CPAMD8: variants seen among roughly 807,000 people sequenced by gnomAD.
The protein encoded by CPAMD8 is C3 and PZP like alpha-2-macroglobulin domain containing 8.
CPAMD8 carries 146 observed loss-of-function variants against 224.7 expected under a neutral mutation model. That is an observed-to-expected ratio of 0.65 (90% confidence interval 0.57 to 0.75). The LOEUF (loss-of-function observed/expected upper bound fraction) is 0.75. Ranked by LOEUF, CPAMD8 falls within the 30% of genes least tolerant of loss-of-function variation. The pLI, the probability that CPAMD8 is intolerant of heterozygous loss-of-function variation, is 0.00. For synonymous variants in CPAMD8, 966 were observed against 1,044.6 expected, an observed-to-expected ratio of 0.92 and a Z score of 1.45; for missense variants, 2,301 against 2,537.5, an observed-to-expected ratio of 0.91 and a Z score of 2.00.
At chr19:17,017,086 C>T (rs554615538) in intron 3 of CPAMD8, among the ~76,000 whole-genome samples, 62 of 152,180 alleles carry the variant, frequency 4.1e-4, no homozygotes, top group African/African-American at 1.4e-3. Flanking sequence ...ACATTACTGC[C>T]TAAGCTCCGC....
In CPAMD8 at chr19:16,902,793, T is replaced by G. The variant is rs1466471895; in HGVS notation, c.4541A>C (p.Glu1514Ala). Reference protein sequence around the residue: ...PAFQLLVSLQEPEAQGRPPPM... With the variant: ...PAFQLLVSLQAPEAQGRPPPM... Reference sequence around the variant, plus strand: ...GGGCGGGCGTCCCTGGGCCTCAGGCTCCTGGAGGCTTACGAGCAGCTGGAA... The same window carrying G: ...GGGCGGGCGTCCCTGGGCCTCAGGCGCCTGGAGGCTTACGAGCAGCTGGAA... The change falls in exon 35 of 42, where the codon GAG (glutamate) becomes GCG (alanine). Residue 1514 changes from glutamate to alanine, a missense_variant. By Grantham distance (107) the Glu-to-Ala change is moderately radical (BLOSUM62 -1). Transcript: ENST00000443236. 2 of 1,582,768 alleles carry G rather than the reference T, an allele frequency of 1.3e-6. No homozygotes were observed. The highest frequency in any genetic ancestry group is 1.7e-6 in the Non-Finnish European group (2 of 1,160,668).
intron 29 of CPAMD8, 121 bp downstream of exon 29, chr19:16,914,303 C>T (rs1000003537): frequency 1.2e-5 from 9 of 738,332 alleles, no homozygotes; most frequent in African/African-American, 8.9e-5. Context: ...ATGAAAAAGC[C>T]TCGATAATGA....
rs375375253 is a variant in CPAMD8 at position 16,925,346 on chromosome 19, G to A, written c.3397C>T (p.His1133Tyr). ...GGCAGCCGCAGGAGGTTGTTGAGGT[G>A]GTTCAGGGTTGGCCCCATGACGTCC... ...IGDVMGPTLN[H>Y]LNNLLRLPFG... Residue 1133 changes from histidine (H) to tyrosine (Y), a missense_variant, in exon 26 of 42, where the codon CAC becomes TAC. Coordinates refer to ENST00000443236, the MANE Select transcript of CPAMD8 (RefSeq NM_015692.5). 3.7e-6 allele frequency: 6 copies of A among 1,614,076 alleles called. No homozygotes were observed. The African/African-American group carries it at 8.0e-5, about 22-fold the overall frequency.
At chr19:16,907,670 C>G (rs998870276) in intron 29 of CPAMD8, 1 of 151,686 alleles carries the variant, frequency 6.6e-6, no homozygotes, top group Non-Finnish European at 1.5e-5. Flanking sequence ...TGCAGTGGCA[C>G]GATCATAGCT....
intron 30 of CPAMD8, among the ~76,000 whole-genome samples, chr19:16,906,005 CT>C (rs35237013): frequency 0.014 from 2,108 of 152,210 alleles, 89 homozygotes; most frequent in Admixed American, 0.085. Context: ...CCCAGCACCC[CT>C]GTCCTGGGAT....
intron 13 of CPAMD8, among the ~76,000 whole-genome samples, chr19:16,985,053 TAGGTGTGACCTA>T (rs771792057): frequency 2.0e-5 from 3 of 152,222 alleles, no homozygotes; most frequent in Non-Finnish European, 2.9e-5. Context: ...GTAATTTTCT[TAGGTGTGACCTA>T]AGAAAATGGC....
At position 16,898,151 on chromosome 19, in the gene CPAMD8, T is replaced by TC; in HGVS notation, c.4849-158_4849-157insG. On this transcript the variant is annotated intron_variant, in intron 37 of 41. Coordinates refer to ENST00000443236, the MANE Select transcript of CPAMD8 (RefSeq NM_015692.5). This position sits in a 1 kb window ranked among gnomAD's most constrained non-coding sequence, Gnocchi z 4.2. ...TTTTTTTCTTTTACTTTTCTTTTTT[T>TC]TTTTTTTTCCTGAGACAGAGTCTCG... 1.7e-6 allele frequency: 1 copy of TC among 598,704 alleles called. No homozygotes were observed. The highest frequency in any genetic ancestry group is 2.1e-5 in the South Asian group (1 of 47,328). The allele number at this position is 598,704 out of a possible 1,614,324, so 37.1% of individuals were successfully genotyped here.
At chr19:16,929,699 A>G (rs1022597688) in intron 23 of CPAMD8, among the ~76,000 whole-genome samples, 1 of 152,186 alleles carries the variant, frequency 6.6e-6, no homozygotes, top group African/African-American at 2.4e-5. Flanking sequence ...CTAAAAAACA[A>G]GCAAGATTCT....
intron 32 of CPAMD8, 50 bp downstream of exon 32, chr19:16,904,176 A>AGGGCCCCCCCCCCC: frequency 2.1e-6 from 2 of 937,338 alleles, no homozygotes; most frequent in Non-Finnish European, 3.3e-6. Context: ...GACTGCAGGG[A>AGGGCCCCCCCCCCC]CCCCACCCAC....
intron 22 of CPAMD8, among the ~76,000 whole-genome samples, chr19:16,943,505 C>T (rs2053974106): frequency 6.6e-6 from 1 of 152,094 alleles, no homozygotes; most frequent in South Asian, 2.1e-4. Flanking sequence ...TGGCCTCAAG[C>T]CATCCTCCTG....
chr19:16,918,620 ACATTTTT>A (rs1410866393), intron 27 of CPAMD8, among the ~76,000 whole-genome samples: 6 of 151,068 alleles, frequency 4.0e-5, no homozygotes, highest in Non-Finnish European at 7.4e-5. Context: ...CTTATTTTTA[ACATTTTT>A]GCCGAGATGA....
chr19:16,917,056 T>G (rs1232080303), intron 27 of CPAMD8, among the ~76,000 whole-genome samples: 2 of 152,196 alleles, frequency 1.3e-5, no homozygotes, highest in Non-Finnish European at 2.9e-5. Flanking sequence ...ACTTTCCCAC[T>G]GTAAAACGCA....
intron 23 of CPAMD8, among the ~76,000 whole-genome samples, chr19:16,929,722 A>C (rs2053490364): frequency 6.6e-6 from 1 of 152,182 alleles, no homozygotes; most frequent in Admixed American, 6.5e-5. Flanking sequence ...CTCTAAAAAC[A>C]AAAAGATAAG....
chr19:16,954,921 G>T (rs2054417974), intron 19 of CPAMD8, among the ~76,000 whole-genome samples: 1 of 152,142 alleles, frequency 6.6e-6, no homozygotes, highest in African/African-American at 2.4e-5. Context: ...GAGGTCAGGA[G>T]ATCGATACCA....
At chr19:16,970,235 T>A in intron 18 of CPAMD8, among the ~76,000 whole-genome samples, 1 of 43,276 alleles carries the variant, frequency 2.3e-5, no homozygotes. Context: ...CAAGACTCTG[T>A]CTCAAAAAAA....
chr19:16,945,710 C>G (rs771504133), intron 21 of CPAMD8, 31 bp from the exon 22 acceptor site: 37 of 1,611,698 alleles, frequency 2.3e-5, no homozygotes, highest in Non-Finnish European at 2.9e-5. Flanking sequence ...GGTCTCAGAA[C>G]AGGTCTCCAC....
At chr19:16,983,414 A>G (rs1283622371) in intron 13 of CPAMD8, among the ~76,000 whole-genome samples, 2 of 152,090 alleles carry the variant, frequency 1.3e-5, no homozygotes, top group East Asian at 1.9e-4. Context: ...AAATAAATAA[A>G]TAAATAAATA....
chr19:16,959,405 C>A lies in CPAMD8; in HGVS notation c.2214-1490G>T, dbSNP rs189091040. 1.7e-3 allele frequency among the ~76,000 whole-genome samples: 256 copies of A among 151,782 alleles called. 2 individuals are homozygous for A. In the Middle Eastern group the frequency reaches 0.017, roughly 10 times the overall value. Reference sequence around the variant, plus strand: ...GACCACGCTGGTCTCAAACTCCCGACATCAAGTGATCCACCCGCCTCGGCC... The same window carrying A: ...GACCACGCTGGTCTCAAACTCCCGAAATCAAGTGATCCACCCGCCTCGGCC... On this transcript the variant is annotated intron_variant, in intron 18 of 41. Coordinates refer to ENST00000443236, the MANE Select transcript of CPAMD8 (RefSeq NM_015692.5).
chr19:16,994,103 T>G (rs1407037590), intron 11 of CPAMD8, among the ~76,000 whole-genome samples: 1 of 152,136 alleles, frequency 6.6e-6, no homozygotes, highest in African/African-American at 2.4e-5. Flanking sequence ...ACCCTGTCTC[T>G]TAAGAGAAAA....
Sources: gnomAD v4.1 joint callset for allele counts (sites outside exome capture counted in the v4.1 genomes callset) on GRCh38, gnomAD v4.1.1 for gene constraint, Gnocchi (gnomAD v3.1) non-coding constraint, MANE v1.5 for transcripts, NCBI Gene and HGNC (gene_info 2026-07-23, HGNC 2026-07-21) for gene names.